The following LRRFIP2 variants were observed in gnomAD, a reference collection of about 807,000 sequenced individuals.
The protein encoded by LRRFIP2 is LRR binding FLII interacting protein 2.
In LRRFIP2, 109 loss-of-function variants were observed where a neutral mutation model predicts 125.9. That is an observed-to-expected ratio of 0.87 (90% CI 0.74 to 1.01). The LOEUF (loss-of-function observed/expected upper bound fraction) is 1.01, where lower values mean the gene tolerates loss of function less well. LRRFIP2 is among the 50% of genes least tolerant of loss of function. LRRFIP2 has a pLI of 0.00. For missense variants in LRRFIP2, 850 were observed against 862.3 expected (o/e 0.99, Z 0.18); for synonymous variants, 291 against 293.1 (o/e 0.99, Z 0.07).
Position 37,127,632 on chromosome 3 carries a change from G to GCCACTTCTGAATCTGTCC in LRRFIP2, c.208_225dup (p.Gly70_Trp75dup), listed in dbSNP as rs2095318121. 10 of 1,613,770 alleles carry GCCACTTCTGAATCTGTCC rather than the reference G, an allele frequency of 6.2e-6. No individual in the cohort carries two copies. The highest frequency in any genetic ancestry group is 8.5e-6 in the Non-Finnish European group (10 of 1,179,758). On this transcript the variant is annotated inframe_insertion, in exon 4 of 28. Transcript: ENST00000336686. Reference sequence around the variant, plus strand: ...CAGGACAGGCAATACTGGCCTACCAGCCACTTCTGAATCTGTCCCCACTTC... The same window carrying GCCACTTCTGAATCTGTCC: ...CAGGACAGGCAATACTGGCCTACCAGCCACTTCTGAATCTGTCCCCACTTCTGAATCTGTCCCCACTTC...
At chr3:37,090,005 C>T (rs2093334376) in intron 18 of LRRFIP2, among the ~76,000 whole-genome samples, 1 of 152,144 alleles carries the variant, frequency 6.6e-6, no homozygotes, top group South Asian at 2.1e-4. Flanking sequence ...GACTTCTCAC[C>T]TTTTTGGGTC....
intron 23 of LRRFIP2, chr3:37,064,102 TAGAC>T (rs1211336687): frequency 3.3e-6 from 1 of 307,042 alleles, no homozygotes; most frequent in Admixed American, 4.7e-5. Context: ...CTTTCACTAG[TAGAC>T]AGACAACTCA....
At chr3:37,082,055 G>C (rs1021943361) in intron 19 of LRRFIP2, among the ~76,000 whole-genome samples, 1 of 152,054 alleles carries the variant, frequency 6.6e-6, no homozygotes, top group Non-Finnish European at 1.5e-5. Flanking sequence ...TATTTGAGAC[G>C]ATGGAAAGAT....
chr3:37,120,951 CTCCT>C (rs2095006998), intron 6 of LRRFIP2, among the ~76,000 whole-genome samples: 1 of 152,096 alleles, frequency 6.6e-6, no homozygotes, highest in Non-Finnish European at 1.5e-5. Flanking sequence ...CTTCTCCTTC[CTCCT>C]GACTTATAAC....
chr3:37,110,887 A>C (rs2094523976), intron 9 of LRRFIP2, 104 bp downstream of exon 9: 1 of 933,630 alleles, frequency 1.1e-6, no homozygotes, highest in Admixed American at 2.3e-5. Flanking sequence ...GTATATACGT[A>C]GCCATTTACA....
At chr3:37,166,056 G>C (rs1339320038) in intron 1 of LRRFIP2, among the ~76,000 whole-genome samples, 4 of 152,146 alleles carry the variant, frequency 2.6e-5, no homozygotes, top group Non-Finnish European at 5.9e-5. Context: ...AAAAACTCTG[G>C]GCAGGGCGCG....
At chr3:37,102,818 A>G (rs1175412565) in intron 15 of LRRFIP2, 106 bp downstream of exon 15, 1 of 781,944 alleles carries the variant, frequency 1.3e-6, no homozygotes, top group Non-Finnish European at 2.0e-6. Flanking sequence ...AATATTTCTT[A>G]AGACAATAAA....
At chr3:37,108,729 T>C in intron 11 of LRRFIP2, 45 bp from the exon 12 acceptor site, 1 of 1,528,160 alleles carries the variant, frequency 6.5e-7, no homozygotes, top group South Asian at 1.1e-5. Context: ...GCTTCAAGGT[T>C]GTTTTGAAAA....
chr3:37,062,979 T>C (rs1467663674), intron 24 of LRRFIP2, among the ~76,000 whole-genome samples: 1 of 152,012 alleles, frequency 6.6e-6, no homozygotes, highest in African/African-American at 2.4e-5. Flanking sequence ...GGCAAGTCAC[T>C]AGTTTAGAAA....
intron 2 of LRRFIP2, among the ~76,000 whole-genome samples, chr3:37,148,531 C>T (rs1413364969): frequency 2.0e-5 from 3 of 152,220 alleles, no homozygotes; most frequent in Non-Finnish European, 2.9e-5. Context: ...CCAAAAACTT[C>T]GCTAGTGCCA....
At position 37,060,619 on chromosome 3, in the gene LRRFIP2, T is replaced by C. The variant is rs373099917; in HGVS notation, c.1750-1709A>G. ...TGCCCGGCCCTTTTTTTTTTTGTAC[T>C]TCCACAGCTTCCTACCACTGAATCT... On this transcript the variant is annotated intron_variant, in intron 24 of 27. Transcript: ENST00000336686. This position sits in a 1 kb window ranked among gnomAD's most constrained non-coding sequence, Gnocchi z 4.1. 2.8e-3 allele frequency among the ~76,000 whole-genome samples: 430 copies of C among 151,930 alleles called. 3 individuals are homozygous for C. The highest frequency in any genetic ancestry group is 9.9e-3 in the African/African-American group (409 of 41,442).
chr3:37,080,688 T>C (rs2092563197), intron 19 of LRRFIP2, among the ~76,000 whole-genome samples: 1 of 152,016 alleles, frequency 6.6e-6, no homozygotes, highest in South Asian at 2.1e-4. Flanking sequence ...GTAAAGATAC[T>C]ATGGGGACGA....
chr3:37,134,058 T>C (rs2095495377), intron 2 of LRRFIP2, among the ~76,000 whole-genome samples: 1 of 152,042 alleles, frequency 6.6e-6, no homozygotes, highest in Non-Finnish European at 1.5e-5. Flanking sequence ...AGCGCTTGCC[T>C]GTAGTCCCAG....
At chr3:37,081,276 A>G (rs1408892459) in intron 19 of LRRFIP2, among the ~76,000 whole-genome samples, 1 of 152,170 alleles carries the variant, frequency 6.6e-6, no homozygotes, top group Non-Finnish European at 1.5e-5. Flanking sequence ...TTAAAATATA[A>G]AACAAAATAG....
chr3:37,166,787 G>A (rs1290692852), intron 1 of LRRFIP2, among the ~76,000 whole-genome samples: 1 of 152,092 alleles, frequency 6.6e-6, no homozygotes, highest in Non-Finnish European at 1.5e-5. Context: ...GGGAGGCTGA[G>A]GTGGGCGGAT....
chr3:37,097,182 T>C (rs924889867), intron 15 of LRRFIP2, among the ~76,000 whole-genome samples: 15 of 143,032 alleles, frequency 1.0e-4, no homozygotes, highest in African/African-American at 3.9e-4. Context: ...TTCTCAGTAA[T>C]ACATGCACAT....
At chr3:37,063,627 C>CTTGAGATATGATGT in intron 24 of LRRFIP2, 115 bp downstream of exon 24, 1 of 793,946 alleles carries the variant, frequency 1.3e-6, no homozygotes, top group Non-Finnish European at 2.2e-6. Context: ...TCATATCTCA[C>CTTGAGATATGATGT]TTGAGTACTG....
At chr3:37,093,869 GA>G (rs1303104030) in intron 17 of LRRFIP2, among the ~76,000 whole-genome samples, 3 of 152,182 alleles carry the variant, frequency 2.0e-5, no homozygotes, top group Non-Finnish European at 4.4e-5. Flanking sequence ...TGGGTTGTCT[GA>G]ATGCATCTCT....
At chr3:37,083,307 G>A (rs980486692) in intron 19 of LRRFIP2, among the ~76,000 whole-genome samples, 22 of 152,084 alleles carry the variant, frequency 1.4e-4, no homozygotes, top group African/African-American at 4.3e-4. Flanking sequence ...GGAGCTTTGC[G>A]GGAGTTCCAG....
Sources: gnomAD v4.1 joint callset for allele counts (sites outside exome capture counted in the v4.1 genomes callset) on GRCh38, gnomAD v4.1.1 for gene constraint, Gnocchi (gnomAD v3.1) non-coding constraint, MANE v1.5 for transcripts, NCBI Gene and HGNC (gene_info 2026-07-23, HGNC 2026-07-21) for gene names.